Variants in LSAMP observed in about 807,000 individuals in gnomAD.
LSAMP encodes the protein limbic system associated membrane protein.
In LSAMP, 7 loss-of-function variants were observed where a neutral mutation model predicts 38.6. That is an observed-to-expected ratio of 0.18 (90% CI 0.10 to 0.34). LSAMP has a LOEUF of 0.34. Ranked by LOEUF, LSAMP falls within the 10% of genes least tolerant of loss-of-function variation. The pLI is 1.00. For missense variants in LSAMP, 313 were observed against 420.0 expected (o/e 0.75, Z 2.23); for synonymous variants, 154 against 166.8 (o/e 0.92, Z 0.59).
chr3:116,102,785 A>ATCTATCTGTCTGTCTGTCTGTCTG (rs562864883), intron 1 of LSAMP, among the ~76,000 whole-genome samples: 36 of 151,804 alleles, frequency 2.4e-4, no homozygotes, highest in African/African-American at 8.7e-4. Flanking sequence ...CTATCTATCT[A>ATCTATCTGTCTGTCTGTCTGTCTG]TCTGTCTGTC....
chr3:116,177,708 A>G (rs573655532), intron 1 of LSAMP, among the ~76,000 whole-genome samples: 1 of 152,300 alleles, frequency 6.6e-6, no homozygotes, highest in Non-Finnish European at 1.5e-5. Context: ...GGGAGCTGGT[A>G]TTTTTATCAG....
At chr3:115,974,010 T>C (rs13319721) in intron 3 of LSAMP, among the ~76,000 whole-genome samples, 19,455 of 152,148 alleles carry the variant, frequency 0.13, 1,471 homozygotes, top group Non-Finnish European at 0.18. Context: ...GTGAAAAATA[T>C]AACGCTGAAG....
At chr3:116,199,722 G>T (rs1358145330) in intron 1 of LSAMP, among the ~76,000 whole-genome samples, 2 of 152,092 alleles carry the variant, frequency 1.3e-5, no homozygotes, top group African/African-American at 4.8e-5. Context: ...TTAGAAGAAG[G>T]ACTCTATTAT....
At chr3:116,220,893 G>T (rs1468003657) in intron 1 of LSAMP, among the ~76,000 whole-genome samples, 1 of 152,128 alleles carries the variant, frequency 6.6e-6, no homozygotes, top group Non-Finnish European at 1.5e-5. Context: ...AGTGGCTCAC[G>T]CCTGTAATCC....
intron 3 of LSAMP, among the ~76,000 whole-genome samples, chr3:115,893,023 A>C (rs759285242): frequency 1.1e-4 from 17 of 151,808 alleles, no homozygotes; most frequent in Non-Finnish European, 2.1e-4. Flanking sequence ...CAAAACATAA[A>C]AATCTCAGCA....
At position 115,884,650 on chromosome 3, in the gene LSAMP, G is replaced by A. The variant is rs115578910; in HGVS notation, c.515-32033C>T. 4.1e-3 allele frequency among the ~76,000 whole-genome samples: 624 copies of A among 151,998 alleles called. 9 individuals carry two copies. The highest frequency in any genetic ancestry group is 0.014 in the African/African-American group (588 of 41,504). ...TGGATGTAAAGATATTGCAAATATC[G>A]GGGAACAGAAAACAATGCAAGGAAT... On this transcript the variant is annotated intron_variant, in intron 3 of 6. Coordinates refer to ENST00000490035, the MANE Select transcript of LSAMP (RefSeq NM_002338.5).
chr3:116,289,486 A>C (rs2047235601), intron 1 of LSAMP, among the ~76,000 whole-genome samples: 1 of 152,166 alleles, frequency 6.6e-6, no homozygotes, highest in African/African-American at 2.4e-5. Context: ...CAAACTTAGA[A>C]AATGTTTGAT....
intron 2 of LSAMP, among the ~76,000 whole-genome samples, chr3:116,023,119 G>A (rs551387793): frequency 6.6e-6 from 1 of 151,874 alleles, no homozygotes; most frequent in East Asian, 1.9e-4. Flanking sequence ...TTATATAAGC[G>A]TGATGTATAT....
intron 1 of LSAMP, among the ~76,000 whole-genome samples, chr3:116,214,082 T>A (rs115106352): frequency 6.6e-6 from 1 of 152,204 alleles, no homozygotes; most frequent in Non-Finnish European, 1.5e-5. Context: ...AAATGATTTT[T>A]AAAAAATTTA....
intron 1 of LSAMP, among the ~76,000 whole-genome samples, chr3:116,369,476 G>T (rs371707473): frequency 2.6e-5 from 4 of 152,138 alleles, no homozygotes; most frequent in Non-Finnish European, 5.9e-5. Flanking sequence ...TCAAAGAGAA[G>T]AGAGACCAAG....
chr3:116,200,022 C>T (rs1337502680), intron 1 of LSAMP, among the ~76,000 whole-genome samples: 5 of 151,608 alleles, frequency 3.3e-5, no homozygotes, highest in Non-Finnish European at 7.4e-5. Flanking sequence ...GGAATGAAGG[C>T]TATGGTAATA....
At chr3:115,823,365 A>G (rs1934309116) in intron 6 of LSAMP, among the ~76,000 whole-genome samples, 1 of 152,232 alleles carries the variant, frequency 6.6e-6, no homozygotes, top group Non-Finnish European at 1.5e-5. Context: ...CCTTGAACGA[A>G]TAACAGAAAC....
intron 1 of LSAMP, among the ~76,000 whole-genome samples, chr3:116,179,697 A>G (rs115257701): frequency 0.013 from 2,054 of 152,178 alleles, 36 homozygotes; most frequent in African/African-American, 0.04. Flanking sequence ...CACTGTCATG[A>G]GAACAGCAAG....
At chr3:116,444,791 C>CACACACACACACACACAA in intron 1 of LSAMP, 86 bp downstream of exon 1, 1 of 875,746 alleles carries the variant, frequency 1.1e-6, no homozygotes, top group Non-Finnish European at 1.7e-6. Context: ...AGATCAGACA[C>CACACACACACACACACAA]ACACACACAC....
At chr3:116,053,797 TAGTC>T (rs1339979794) in intron 2 of LSAMP, among the ~76,000 whole-genome samples, 6 of 152,270 alleles carry the variant, frequency 3.9e-5, no homozygotes, top group South Asian at 2.1e-4. Flanking sequence ...GGGAGAGTAA[TAGTC>T]AGTGCTGTGT....
chr3:115,847,803 C>G (rs146431768), intron 4 of LSAMP, among the ~76,000 whole-genome samples: 1 of 152,154 alleles, frequency 6.6e-6, no homozygotes, highest in Non-Finnish European at 1.5e-5. Flanking sequence ...TCAATTAAAC[C>G]TCTTTCCTTT....
chr3:116,325,077 T>A (rs892857416), intron 1 of LSAMP, among the ~76,000 whole-genome samples: 3 of 150,618 alleles, frequency 2.0e-5, no homozygotes, highest in Non-Finnish European at 4.4e-5. Flanking sequence ...TGTTTCCACA[T>A]AATATTAAAT....
Position 115,911,192 on chromosome 3 carries a change from T to C in LSAMP, c.515-58575A>G, listed in dbSNP as rs550957214. Among the ~76,000 whole-genome samples the C allele has an allele frequency of 4.6e-5, 7 of 152,326 alleles. No individual in the cohort carries two copies. In the South Asian group the frequency reaches 1.5e-3, roughly 32 times the overall value. On this transcript the variant is annotated intron_variant, in intron 3 of 6. Transcript: ENST00000490035. Reference sequence around the variant, plus strand: ...CATTTTACACATGGTAAAAGCTCAATAAATGACAGCTATAGTAAAAATATA... The same window carrying C: ...CATTTTACACATGGTAAAAGCTCAACAAATGACAGCTATAGTAAAAATATA...
intron 1 of LSAMP, among the ~76,000 whole-genome samples, chr3:116,185,167 C>A (rs1000217485): frequency 2.0e-5 from 3 of 151,588 alleles, no homozygotes; most frequent in African/African-American, 4.8e-5. Flanking sequence ...TTTACACATA[C>A]CTCCAGCATC....
Sources: gnomAD v4.1 joint callset for allele counts (sites outside exome capture counted in the v4.1 genomes callset) on GRCh38, gnomAD v4.1.1 for gene constraint, MANE v1.5 for transcripts, NCBI Gene and HGNC (gene_info 2026-07-23, HGNC 2026-07-21) for gene names.